The following PTPRD variants were observed in gnomAD, a reference collection of about 807,000 sequenced individuals.
The protein encoded by PTPRD is receptor-type tyrosine-protein phosphatase delta.
PTPRD carries 34 observed loss-of-function variants against 214.5 expected under a neutral mutation model. The observed-to-expected ratio is 0.16, with a 90% CI of 0.12 to 0.21. PTPRD has a LOEUF of 0.21. Ranked by LOEUF, PTPRD falls within the 10% of genes least tolerant of loss-of-function variation. The pLI, the probability that PTPRD is intolerant of heterozygous loss-of-function variation, is 1.00. For synonymous variants in PTPRD, 1,128 were observed against 845.7 expected (o/e 1.33, Z -5.79); for missense variants, 2,545 against 2,398.7 (o/e 1.06, Z -1.27).
At chr9:9,108,406 G>A (rs1157851541) in intron 10 of PTPRD, among the ~76,000 whole-genome samples, 1 of 152,090 alleles carries the variant, frequency 6.6e-6, no homozygotes, top group African/African-American at 2.4e-5. Flanking sequence ...GGTAGGCTGT[G>A]CTATGCTGCA....
intron 7 of PTPRD, among the ~76,000 whole-genome samples, chr9:9,660,904 G>T (rs544158446): frequency 2.8e-4 from 43 of 152,104 alleles, no homozygotes; most frequent in African/African-American, 9.9e-4. Flanking sequence ...CAGGATTCAT[G>T]ACTTTGTCAT....
intron 11 of PTPRD, among the ~76,000 whole-genome samples, chr9:8,751,177 A>G (rs1008729341): frequency 6.6e-6 from 1 of 152,132 alleles, no homozygotes; most frequent in African/African-American, 2.4e-5. Context: ...CTGCCCTACA[A>G]AATCAAATGA....
At chr9:8,582,085 A>T (rs2093204187) in intron 14 of PTPRD, among the ~76,000 whole-genome samples, 1 of 152,158 alleles carries the variant, frequency 6.6e-6, no homozygotes, top group Admixed American at 6.5e-5. Context: ...AGTGACAAAG[A>T]TTTGAAAATG....
chr9:8,410,679 G>A (rs541844746), intron 35 of PTPRD, among the ~76,000 whole-genome samples: 2 of 152,104 alleles, frequency 1.3e-5, no homozygotes, highest in South Asian at 4.1e-4. Flanking sequence ...TCATCAAAAA[G>A]TGTTTCAGTC....
chr9:10,259,075 T>G (rs928572778), intron 3 of PTPRD, among the ~76,000 whole-genome samples: 1 of 152,142 alleles, frequency 6.6e-6, no homozygotes, highest in Admixed American at 6.5e-5. Context: ...CAGGCTGGAG[T>G]GCAGTGGCGC....
intron 7 of PTPRD, among the ~76,000 whole-genome samples, chr9:9,606,030 T>C (rs7033123): frequency 1 from 152,069 of 152,088 alleles, 76,025 homozygotes; most frequent in Non-Finnish European, 1. Flanking sequence ...ACAAAATGCT[T>C]CAAAACTGTT....
chr9:8,636,492 A>T (rs868466441), intron 13 of PTPRD, among the ~76,000 whole-genome samples: 1 of 152,180 alleles, frequency 6.6e-6, no homozygotes. Flanking sequence ...GAGCCCTGGC[A>T]CAAGTAGAAA....
At chr9:9,748,194 G>A (rs2098477441) in intron 6 of PTPRD, among the ~76,000 whole-genome samples, 2 of 152,044 alleles carry the variant, frequency 1.3e-5, no homozygotes, top group Admixed American at 1.3e-4. Flanking sequence ...AAGATAGTAT[G>A]GTAATAATCT....
intron 2 of PTPRD, among the ~76,000 whole-genome samples, chr9:10,479,472 G>A (rs1399652307): frequency 1.3e-5 from 2 of 151,926 alleles, no homozygotes; most frequent in African/African-American, 2.4e-5. Flanking sequence ...AACCCGGCAC[G>A]ACTTCAACTT....
intron 39 of PTPRD, among the ~76,000 whole-genome samples, chr9:8,349,933 G>GT (rs71317358): frequency 0.058 from 8,357 of 145,086 alleles, 265 homozygotes; most frequent in South Asian, 0.14. Context: ...AACTTTAGTG[G>GT]TTTTTTTTTT....
intron 10 of PTPRD, among the ~76,000 whole-genome samples, chr9:9,042,480 G>T (rs1298753336): frequency 1.3e-5 from 2 of 152,124 alleles, no homozygotes; most frequent in African/African-American, 2.4e-5. Flanking sequence ...GAAAATTGGG[G>T]TTGTCACCAG....
intron 10 of PTPRD, among the ~76,000 whole-genome samples, chr9:9,089,619 C>CTA (rs2099772609): frequency 6.6e-6 from 1 of 152,188 alleles, no homozygotes; most frequent in Non-Finnish European, 1.5e-5. Context: ...AAACTTTCCT[C>CTA]TATTTCTTCT....
At chr9:10,450,224 C>T (rs542442247) in intron 2 of PTPRD, among the ~76,000 whole-genome samples, 6 of 150,802 alleles carry the variant, frequency 4.0e-5, no homozygotes, top group Non-Finnish European at 5.9e-5. Flanking sequence ...AAGAAACACC[C>T]AAGAATGATC....
At chr9:8,729,805 C>A (rs533691916) in intron 12 of PTPRD, among the ~76,000 whole-genome samples, 1 of 152,158 alleles carries the variant, frequency 6.6e-6, no homozygotes, top group African/African-American at 2.4e-5. Context: ...CTCTATGCTG[C>A]CCATCAGGAA....
intron 8 of PTPRD, among the ~76,000 whole-genome samples, chr9:9,506,818 G>A (rs529314616): frequency 5.3e-5 from 8 of 151,242 alleles, no homozygotes; most frequent in African/African-American, 1.7e-4. Context: ...TGAGTCCTCT[G>A]AATGAAAAGG....
At chr9:9,176,783 G>A (rs1028367752) in intron 10 of PTPRD, among the ~76,000 whole-genome samples, 3 of 152,152 alleles carry the variant, frequency 2.0e-5, no homozygotes, top group African/African-American at 7.2e-5. Context: ...GCCCTTGCCA[G>A]GTGCTGGTGC....
chr9:9,719,513 G>A (rs2154431516), intron 7 of PTPRD, among the ~76,000 whole-genome samples: 1 of 151,426 alleles, frequency 6.6e-6, no homozygotes, highest in South Asian at 2.1e-4. Context: ...GCCCTCTGCT[G>A]GTACCAGGCA....
At chr9:8,372,246 C>T (rs187392719) in intron 39 of PTPRD, among the ~76,000 whole-genome samples, 6 of 151,964 alleles carry the variant, frequency 3.9e-5, no homozygotes, top group East Asian at 1.9e-4. Flanking sequence ...GCTCAGGTTA[C>T]GTAGATGATA....
chr9:9,983,057 TACC>T lies in PTPRD; in HGVS notation c.-471-44450_-471-44448del, dbSNP rs202018694. ...GTAAATCAAATACTTAAATATGTTA[TACC>T]AAAAAAAAAAAAAAACTTTATTACT... On this transcript the variant is annotated intron_variant, in intron 4 of 45. Transcript: ENST00000381196. Among the ~76,000 whole-genome samples the T allele has an allele frequency of 8.4e-5, 5 of 59,476 alleles. No homozygotes were observed. The East Asian group carries it at 1.4e-3, about 16-fold the overall frequency. The allele number at this position is 59,476 out of a possible 152,430, so 39.0% of individuals were successfully genotyped here. A position where few individuals can be genotyped will look rare whatever the true frequency, so the allele number is the denominator to read the frequency against.
Sources: gnomAD v4.1 joint callset for allele counts (sites outside exome capture counted in the v4.1 genomes callset) on GRCh38, gnomAD v4.1.1 for gene constraint, MANE v1.5 for transcripts, NCBI Gene and HGNC (gene_info 2026-07-23, HGNC 2026-07-21) for gene names.